Variants in CRLF2 observed in about 807,000 individuals in gnomAD.
CRLF2 encodes cytokine receptor like factor 2.
In CRLF2, 41 loss-of-function variants were observed where a neutral mutation model predicts 38.7. The ratio of observed to expected loss-of-function variants is 1.06; its 90% CI spans 0.83 to 1.37. The LOEUF is 1.37. Ranked by LOEUF, CRLF2 falls within the 40% of genes most tolerant of loss-of-function variation. The pLI is 0.00. For missense variants in CRLF2, 377 were observed against 322.2 expected, an observed-to-expected ratio of 1.17 and a Z score of -1.30; for synonymous variants, 140 against 128.8, an observed-to-expected ratio of 1.09 and a Z score of -0.59.
chrX:1,198,601 A>C lies in CRLF2; in HGVS notation c.607T>G (p.Trp203Gly). Residue 203 changes from tryptophan (W) to glycine (G), a missense_variant, in exon 5 of 8, where the codon TGG becomes GGG. By Grantham distance (184) the Trp-to-Gly change is radical. Coordinates refer to ENST00000400841, the MANE Select transcript of CRLF2 (RefSeq NM_022148.4). ...CTCTGCCAGCATGTCACCTCTGACC[A>C]GTCGCTTGGGTATGTGTCTGGCCCA... ...VYGPDTYPSD[W>G]SEVTCWQRGE... 6.2e-7 allele frequency: 1 copy of C among 1,613,762 alleles called. No individual in the cohort carries two copies. Among genetic ancestry groups the C allele is most frequent in the Non-Finnish European group, 8.5e-7 (1 of 1,179,720 alleles).
intron 2 of CRLF2, among the ~76,000 whole-genome samples, chrX:1,207,401 G>A (rs1402696675): frequency 7.3e-5 from 11 of 151,180 alleles, no homozygotes; most frequent in Non-Finnish European, 1.0e-4. Flanking sequence ...GATTACAGGC[G>A]CACGCCCCCG....
chrX:1,205,166 C>A (rs757582075), intron 3 of CRLF2, among the ~76,000 whole-genome samples: 1 of 152,218 alleles, frequency 6.6e-6, no homozygotes, highest in East Asian at 1.9e-4. Flanking sequence ...CCGGGGTCAT[C>A]TGGTCTCCCC....
At chrX:1,196,947 G>C in intron 5 of CRLF2, 47 bp from the exon 6 acceptor site, 1 of 1,579,084 alleles carries the variant, frequency 6.3e-7, no homozygotes, top group South Asian at 1.1e-5. Context: ...CATGACGTGC[G>C]GCTGTACGTT....
chrX:1,196,632 T>C lies in CRLF2; in HGVS notation c.767+148A>G, dbSNP rs1189544659. 10 of 1,069,238 alleles carry C rather than the reference T, an allele frequency of 9.4e-6. No homozygotes were observed. In the African/African-American group the frequency reaches 9.7e-5, roughly 10 times the overall value. The allele number at this position is 1,069,238 out of a possible 1,614,324, so 66.2% of individuals were successfully genotyped here. The stretch of plus-strand genomic sequence containing the variant: ...CACCATGCCCAGCCCCTCCGAAATT[T>C]CTTATAATCCACCATCAGAAGAGTG... On this transcript the variant is annotated intron_variant, in intron 6 of 7. Transcript: ENST00000400841.
At chrX:1,212,458 C>G in intron 1 of CRLF2, 98 bp downstream of exon 1, 4 of 758,542 alleles carry the variant, frequency 5.3e-6, no homozygotes, top group Non-Finnish European at 2.2e-6. Flanking sequence ...AAAGAAACCT[C>G]CATGCTCATT....
intron 5 of CRLF2, among the ~76,000 whole-genome samples, chrX:1,197,696 C>T (rs770978686): frequency 7.9e-5 from 12 of 151,848 alleles, no homozygotes; most frequent in Admixed American, 5.9e-4. Flanking sequence ...TGCCTGTAGT[C>T]CCAGCTACTT....
chrX:1,206,474 G>T lies in CRLF2; in HGVS notation c.308C>A (p.Thr103Lys). Residue 103 changes from threonine (T) to lysine (K), a missense_variant, in exon 3 of 8, where the codon ACG becomes AAG. Physicochemically the swap from Thr to Lys is moderately conservative, Grantham distance 78. Transcript: ENST00000400841. ...DILYFSIRNG[T>K]HPVFTASRWM... ...GCGACTTGCGGTGAAAACGGGGTGC[G>T]TCCCATTCCTGATGGAGAAATAGAG... 4 of 1,613,532 alleles carry T rather than the reference G, an allele frequency of 2.5e-6. No homozygotes were observed. The highest frequency in any genetic ancestry group is 1.1e-5 in the South Asian group (1 of 91,064).
chrX:1,209,773 C>T (rs2086762947), intron 1 of CRLF2, among the ~76,000 whole-genome samples: 1 of 152,150 alleles, frequency 6.6e-6, no homozygotes, highest in South Asian at 2.1e-4. Context: ...ATCGATCCAC[C>T]TTACTGTCTT....
intron 3 of CRLF2, among the ~76,000 whole-genome samples, chrX:1,204,741 G>A (rs1334893912): frequency 6.6e-6 from 1 of 150,824 alleles, no homozygotes; most frequent in African/African-American, 2.4e-5. Context: ...TGGCAAGGCT[G>A]GTCTCGAACT....
intron 6 of CRLF2, among the ~76,000 whole-genome samples, chrX:1,194,298 C>A (rs2086442987): frequency 6.8e-6 from 1 of 146,538 alleles, no homozygotes; most frequent in East Asian, 2.1e-4. Context: ...TCAAAAAAAA[C>A]AAAATATACA....
rs1368501834 is a variant in CRLF2, at chrX:1,207,510, C to G, written c.183-911G>C. On this transcript the variant is annotated intron_variant, in intron 2 of 7. Transcript: ENST00000400841. ...TGACCTCAGGTGATCCACCCCCCCC[C>G]CCCTCAGCCTCCCAAAGTGCTGGGA... is the stretch of plus-strand genomic sequence containing the variant. Among the ~76,000 whole-genome samples the G allele has an allele frequency of 1.3e-3, 143 of 109,322 alleles. 1 individual carries two copies. The highest frequency in any genetic ancestry group is 2.2e-3 in the Non-Finnish European group (110 of 49,696). The allele number at this position is 109,322 out of a possible 152,430, so 71.7% of individuals were successfully genotyped here.
intron 4 of CRLF2, among the ~76,000 whole-genome samples, chrX:1,199,440 G>A (rs2086561612): frequency 6.6e-6 from 1 of 152,104 alleles, no homozygotes; most frequent in South Asian, 2.1e-4. Context: ...GAGTAGCTCG[G>A]ATTACAGGCA....
intron 1 of CRLF2, among the ~76,000 whole-genome samples, chrX:1,210,939 G>A (rs1262799321): frequency 1.3e-5 from 2 of 151,934 alleles, no homozygotes; most frequent in Non-Finnish European, 2.9e-5. Flanking sequence ...GTGGATGGGT[G>A]GATGGATGCA....
chrX:1,200,809 A>ATG (rs2086592779), intron 4 of CRLF2, among the ~76,000 whole-genome samples: 1 of 151,028 alleles, frequency 6.6e-6, no homozygotes, highest in Admixed American at 6.7e-5. Context: ...ATGTGTATAT[A>ATG]TGTATATATA....
At chrX:1,200,557 T>C (rs2086585478) in intron 4 of CRLF2, among the ~76,000 whole-genome samples, 1 of 142,010 alleles carries the variant, frequency 7.0e-6, no homozygotes, top group Non-Finnish European at 1.5e-5. Context: ...TGGGTATATA[T>C]ATGTGTATAT....
In CRLF2 at chrX:1,208,794, G is replaced by A. The variant is rs764162748; in HGVS notation, c.182+12C>T. The A allele has an allele frequency of 9.1e-6, 14 of 1,540,356 alleles. No homozygotes were observed. The East Asian group carries it at 1.8e-4, about 20-fold the overall frequency. ...CCCTGGGCGTGGGGTTCGCTTTCTGGGGGCCACTTACCTGTAGTGGAAAGT... is the reference window on the plus strand; with the variant it reads ...CCCTGGGCGTGGGGTTCGCTTTCTGAGGGCCACTTACCTGTAGTGGAAAGT... On this transcript the variant is annotated intron_variant, in intron 2 of 7. Coordinates refer to ENST00000400841, the MANE Select transcript of CRLF2 (RefSeq NM_022148.4).
chrX:1,198,140 C>A (rs80094920), intron 5 of CRLF2, among the ~76,000 whole-genome samples: 3 of 142,786 alleles, frequency 2.1e-5, no homozygotes, highest in East Asian at 4.2e-4. Context: ...AGGCAGGACA[C>A]CCTCCCTCCC....
At position 1,191,285 on chromosome X, in the gene CRLF2, CT is replaced by C. The variant is rs2086368154; in HGVS notation, c.853-126del. 1.0e-5 allele frequency: 4 copies of C among 395,502 alleles called. No homozygotes were observed. In the South Asian group the frequency reaches 5.3e-4, roughly 52 times the overall value. 24.5% of individuals were successfully genotyped at this position (395,502 alleles called of 1,614,324 possible). On this transcript the variant is annotated intron_variant, in intron 7 of 7. Transcript: ENST00000400841. ...TCTTTCTCTTTCTTTCTCTCTCTTT[CT>C]TTTCTTTTCTCTTTCTTTCTTTCTT...
intron 3 of CRLF2, among the ~76,000 whole-genome samples, chrX:1,205,895 C>T (rs559337831): frequency 1.3e-5 from 2 of 152,102 alleles, no homozygotes; most frequent in East Asian, 1.9e-4. Context: ...GGTGAGCTTG[C>T]TTTTCAATAG....
Sources: allele counts gnomAD v4.1 joint callset (sites outside exome capture counted in the v4.1 genomes callset), GRCh38; gene constraint gnomAD v4.1.1; transcripts MANE v1.5; gene names NCBI Gene and HGNC (gene_info 2026-07-23, HGNC 2026-07-21).